Variants in SNX16 observed in about 807,000 individuals in gnomAD.
SNX16 encodes sorting nexin-16.
In SNX16, 35 loss-of-function variants were observed where a neutral mutation model predicts 36.7. That is an observed-to-expected ratio of 0.95 (90% CI 0.73 to 1.27). SNX16 has a LOEUF of 1.27. SNX16 is among the 50% of genes most tolerant of loss of function. The probability of loss-of-function intolerance (pLI) is 0.00; values close to 1 mark genes in which losing one functional copy is unlikely to be tolerated. For missense variants in SNX16, 367 were observed against 393.6 expected, an observed-to-expected ratio of 0.93 and a Z score of 0.57; for synonymous variants, 134 against 132.0, an observed-to-expected ratio of 1.02 and a Z score of -0.10.
chr8:81,809,590 A>C (rs1006883306), intron 5 of SNX16, among the ~76,000 whole-genome samples: 10 of 152,256 alleles, frequency 6.6e-5, no homozygotes, highest in African/African-American at 2.4e-4. Flanking sequence ...AAGATGCCAG[A>C]CCTGGCTGGT....
In SNX16 at chr8:81,834,439, CA is replaced by C. The variant is rs1228732768; in HGVS notation, c.376-4924del. ...TAATAGTGCCTTCCAGACAGTCCCC[CA>C]AAGACTTAACTCATTTCAGCATTAA... is the stretch of plus-strand genomic sequence containing the variant. On this transcript the variant is annotated intron_variant, in intron 2 of 7. Coordinates refer to ENST00000345957, the MANE Select transcript of SNX16 (RefSeq NM_152836.3). Among the ~76,000 whole-genome samples, 17 of 152,218 alleles carry C rather than the reference CA, an allele frequency of 1.1e-4. 1 individual carries two copies. The highest frequency in any genetic ancestry group is 3.4e-4 in the African/African-American group (14 of 41,544).
chr8:81,813,545 C>T (rs1240160124), intron 5 of SNX16, among the ~76,000 whole-genome samples: 2 of 151,120 alleles, frequency 1.3e-5, no homozygotes, highest in Non-Finnish European at 1.5e-5. Flanking sequence ...TTTTATAATA[C>T]AATAGTAAAA....
At position 81,815,305 on chromosome 8, in the gene SNX16, C is replaced by CTA. The variant is rs748761141; in HGVS notation, c.681+18_681+19dup. ...CATTAATTGTTCCTCTTTTCATGTG[C>CTA]TATATAATACAGCACTTACCCTGCT... On this transcript the variant is annotated intron_variant, in intron 5 of 7. Coordinates refer to ENST00000345957, the MANE Select transcript of SNX16 (RefSeq NM_152836.3). 6.3e-7 allele frequency: 1 copy of CTA among 1,582,402 alleles called. No homozygotes were observed. The highest frequency in any genetic ancestry group is 8.7e-7 in the Non-Finnish European group (1 of 1,155,464).
chr8:81,816,985 G>A (rs779291579), intron 4 of SNX16, among the ~76,000 whole-genome samples: 1 of 152,116 alleles, frequency 6.6e-6, no homozygotes, highest in Non-Finnish European at 1.5e-5. Flanking sequence ...ATAGAACAAG[G>A]TCTTCTGATG....
In SNX16 at chr8:81,802,383, G is replaced by A. The variant is rs749666223; in HGVS notation, c.935C>T (p.Ser312Phe). The change falls in exon 7 of 8, where the codon TCT becomes TTT. Residue 312 changes from serine (S) to phenylalanine (F), a missense_variant. Transcript: ENST00000345957. ...EVDQDVLDEESRADNKPCLSF... is the reference protein window; with the variant it reads ...EVDQDVLDEEFRADNKPCLSF... Reference sequence around the variant, plus strand: ...TCATAAATGAAATATTATATACCTAGATTCTTCATCCAGGACATCTTGATC... The same window carrying A: ...TCATAAATGAAATATTATATACCTAAATTCTTCATCCAGGACATCTTGATC... 2.7e-5 allele frequency: 44 copies of A among 1,600,258 alleles called. 1 individual carries two copies. Among genetic ancestry groups the A allele is most frequent in the Admixed American group, 7.0e-5 (4 of 57,418 alleles).
chr8:81,817,360 T>G (rs1810542137), intron 4 of SNX16, among the ~76,000 whole-genome samples: 1 of 152,176 alleles, frequency 6.6e-6, no homozygotes, highest in Non-Finnish European at 1.5e-5. Flanking sequence ...CAGTAGAAAT[T>G]TAGCCAAGAT....
chr8:81,832,039 T>G (rs997038263), intron 2 of SNX16, among the ~76,000 whole-genome samples: 10 of 152,340 alleles, frequency 6.6e-5, no homozygotes, highest in African/African-American at 2.4e-4. Context: ...AACTCCCATT[T>G]GACACAGCAA....
chr8:81,807,193 T>C (rs1185632653), intron 5 of SNX16, among the ~76,000 whole-genome samples: 2 of 151,876 alleles, frequency 1.3e-5, no homozygotes, highest in African/African-American at 4.8e-5. Flanking sequence ...ATTAACACAA[T>C]ATAGTACCAG....
intron 3 of SNX16, among the ~76,000 whole-genome samples, chr8:81,825,025 C>A (rs575831760): frequency 3.5e-4 from 53 of 152,250 alleles, no homozygotes; most frequent in Non-Finnish European, 6.5e-4. Context: ...ACTTTTCTTG[C>A]AGCATGGAGG....
intron 2 of SNX16, among the ~76,000 whole-genome samples, chr8:81,830,918 A>C (rs1811239274): frequency 6.6e-6 from 1 of 152,224 alleles, no homozygotes. Context: ...AAATACAGAC[A>C]TATAAACCAA....
chr8:81,818,658 A>G (rs1810597378), intron 4 of SNX16, among the ~76,000 whole-genome samples: 1 of 152,166 alleles, frequency 6.6e-6, no homozygotes, highest in South Asian at 2.1e-4. Flanking sequence ...CTGAGCTGAT[A>G]GTACCTTCCT....
chr8:81,821,582 ATTAACACTAATCTTTTCTC>A (rs1810744445), intron 4 of SNX16, among the ~76,000 whole-genome samples: 1 of 151,916 alleles, frequency 6.6e-6, no homozygotes, highest in South Asian at 2.1e-4. Context: ...GTGTGTCTGA[ATTAACACTAATCTTTTCTC>A]TTTTTTCTTT....
intron 2 of SNX16, among the ~76,000 whole-genome samples, chr8:81,835,903 CA>C (rs992100622): frequency 6.6e-6 from 1 of 152,204 alleles, no homozygotes; most frequent in Admixed American, 6.5e-5. Context: ...TATTCACTAT[CA>C]CAAGAACAGT....
chr8:81,815,353 C>T lies in SNX16; in HGVS notation c.653G>A (p.Gly218Asp), dbSNP rs1370845699. 3 of 1,612,552 alleles carry T rather than the reference C, an allele frequency of 1.9e-6. No individual in the cohort carries two copies. The highest frequency in any genetic ancestry group is 3.3e-5 in the Admixed American group (2 of 59,944). The change falls in exon 5 of 8, where the codon GGT becomes GAT. Residue 218 changes from glycine to aspartate, a missense_variant. Gly to Asp is a moderately conservative substitution (Grantham distance 94). Coordinates refer to ENST00000345957, the MANE Select transcript of SNX16 (RefSeq NM_152836.3). ...GCTTTCTTCTAGGCTATCAAATGGA[C>T]CCGGTGGATCATCCAAACAAAGAAA... Reference protein sequence around the residue: ...REFLCLDDPPGPFDSLEESRA... With the variant: ...REFLCLDDPPDPFDSLEESRA...
chr8:81,827,385 T>C (rs1380539565), intron 3 of SNX16, among the ~76,000 whole-genome samples: 1 of 152,142 alleles, frequency 6.6e-6, no homozygotes, highest in Non-Finnish European at 1.5e-5. Context: ...TGATCAAAAT[T>C]GTAATAATTT....
chr8:81,829,312 T>A, intron 3 of SNX16, 118 bp downstream of exon 3: 1 of 380,814 alleles, frequency 2.6e-6, no homozygotes, highest in African/African-American at 2.2e-5. Context: ...AAAAAATTAA[T>A]TTTCTTATGA....
At chr8:81,836,261 T>C (rs1028986686) in intron 2 of SNX16, among the ~76,000 whole-genome samples, 1 of 152,216 alleles carries the variant, frequency 6.6e-6, no homozygotes, top group Non-Finnish European at 1.5e-5. Context: ...CCTAATACTT[T>C]TTTCAGTTAT....
At chr8:81,821,536 A>C (rs966157031) in intron 4 of SNX16, among the ~76,000 whole-genome samples, 4 of 151,930 alleles carry the variant, frequency 2.6e-5, no homozygotes, top group African/African-American at 9.7e-5. Flanking sequence ...GGCTTTCTCT[A>C]TAATTTTGGT....
intron 3 of SNX16, among the ~76,000 whole-genome samples, chr8:81,827,460 T>C (rs892279614): frequency 3.9e-5 from 6 of 152,152 alleles, no homozygotes; most frequent in African/African-American, 1.4e-4. Context: ...ATCTTTCGGC[T>C]TGTTTAGTCA....
Sources: gnomAD v4.1 joint callset for allele counts (sites outside exome capture counted in the v4.1 genomes callset) on GRCh38, gnomAD v4.1.1 for gene constraint, MANE v1.5 for transcripts, NCBI Gene and HGNC (gene_info 2026-07-23, HGNC 2026-07-21) for gene names.